ANK3: variants seen among roughly 807,000 people sequenced by gnomAD.
ANK3 encodes the protein ankyrin-3.
A neutral mutation model predicts 370.9 loss-of-function variants in ANK3; 57 were observed. The observed-to-expected ratio is 0.15, with a 90% confidence interval of 0.12 to 0.19. ANK3 has a LOEUF of 0.19. ANK3 is among the 10% of genes least tolerant of loss of function. The pLI is 1.00. For missense variants in ANK3, 4,439 were observed against 5,302.1 expected, an observed-to-expected ratio of 0.84 and a Z score of 5.06; for synonymous variants, 1,929 against 1,946.3, an observed-to-expected ratio of 0.99 and a Z score of 0.23.
At chr10:60,226,558 T>TATAC (rs2097162097) in intron 8 of ANK3, among the ~76,000 whole-genome samples, 9 of 29,562 alleles carry the variant, frequency 3.0e-4, no homozygotes, top group Admixed American at 1.2e-3. Context: ...TACTATAGTA[T>TATAC]ATATACATAG....
chr10:60,545,720 C>G (rs1304170538), intron 2 of ANK3, among the ~76,000 whole-genome samples: 1 of 152,080 alleles, frequency 6.6e-6, no homozygotes, highest in Non-Finnish European at 1.5e-5. Context: ...GATAGACATA[C>G]AGAGGGCACT....
chr10:60,729,425 C>T (rs2079989597), intron 1 of ANK3, among the ~76,000 whole-genome samples: 1 of 152,172 alleles, frequency 6.6e-6, no homozygotes, highest in Non-Finnish European at 1.5e-5. Context: ...CTTCAAAACA[C>T]ATAGGAAAAT....
intron 1 of ANK3, among the ~76,000 whole-genome samples, chr10:60,690,264 C>G (rs2079332047): frequency 6.6e-6 from 1 of 152,090 alleles, no homozygotes; most frequent in Non-Finnish European, 1.5e-5. Context: ...GGAGGGCGAG[C>G]TGAAGCAGGG....
intron 16 of ANK3, among the ~76,000 whole-genome samples, chr10:60,190,741 A>G (rs1187855947): frequency 6.6e-6 from 1 of 152,188 alleles, no homozygotes; most frequent in Non-Finnish European, 1.5e-5. Flanking sequence ...CAATCCTAAA[A>G]TTCATACGGA....
intron 7 of ANK3, among the ~76,000 whole-genome samples, chr10:60,252,874 G>A (rs983358869): frequency 1.8e-4 from 28 of 152,194 alleles, no homozygotes; most frequent in African/African-American, 6.5e-4. Flanking sequence ...GACTTGCAGT[G>A]ACAGCGTCCC....
chr10:60,641,159 T>G (rs1200078529), intron 1 of ANK3, among the ~76,000 whole-genome samples: 1 of 149,556 alleles, frequency 6.7e-6, no homozygotes, highest in Non-Finnish European at 1.5e-5. Flanking sequence ...GAACATTCCA[T>G]GCTCATGGAT....
At chr10:60,619,214 G>C (rs986703046) in intron 1 of ANK3, among the ~76,000 whole-genome samples, 3 of 151,810 alleles carry the variant, frequency 2.0e-5, no homozygotes. Context: ...AAAGAGTCTT[G>C]AGTCTATCTT....
chr10:60,055,615 C>A, intron 42 of ANK3, 43 bp downstream of exon 42: 2 of 1,543,852 alleles, frequency 1.3e-6, no homozygotes, highest in Non-Finnish European at 8.7e-7. Flanking sequence ...AGCACCGATA[C>A]TTTCCATTTC....
At chr10:60,116,732 A>G (rs151255499) in intron 25 of ANK3, among the ~76,000 whole-genome samples, 4 of 152,124 alleles carry the variant, frequency 2.6e-5, no homozygotes, top group African/African-American at 9.6e-5. Flanking sequence ...TAAGTTCAGG[A>G]GGTTCAAATC....
intron 16 of ANK3, among the ~76,000 whole-genome samples, chr10:60,189,350 G>C (rs1015038268): frequency 6.6e-6 from 1 of 152,206 alleles, no homozygotes; most frequent in African/African-American, 2.4e-5. Context: ...GAGACAGAGA[G>C]ACAGATACAG....
intron 1 of ANK3, among the ~76,000 whole-genome samples, chr10:60,292,136 C>A (rs1044754110): frequency 2.5e-4 from 38 of 152,212 alleles, no homozygotes; most frequent in African/African-American, 9.2e-4. Context: ...GACAGTTCAA[C>A]CTTAAAATTA....
Position 60,108,918 on chromosome 10 carries a change from T to A in ANK3, c.3085A>T (p.Lys1029Ter). 6.2e-7 allele frequency: 1 copy of A among 1,614,110 alleles called. No individual in the cohort carries two copies. The highest frequency in any genetic ancestry group is 2.2e-5 in the East Asian group (1 of 44,866). ...RITCRLVKRHKLANPPPMVEG... is the reference protein window; with the variant it reads ...RITCRLVKRH ...ACCATGGGGGGTGGGTTGGCCAGTT[T>A]ATGTCTCTTTACCAAACGGCAGGTG... The change falls in exon 27 of 44, where the codon AAA becomes TAA. Residue 1029 changes from lysine (K) to a stop codon, truncating the protein, a stop_gained. Transcript: ENST00000280772. LOFTEE classifies it high-confidence loss of function.
intron 1 of ANK3, among the ~76,000 whole-genome samples, chr10:60,313,194 T>C (rs1411492096): frequency 1.3e-5 from 2 of 152,188 alleles, no homozygotes; most frequent in Non-Finnish European, 2.9e-5. Flanking sequence ...GCGGATAACA[T>C]GAGCTGCAAC....
At chr10:60,522,275 G>A (rs1049641734) in intron 2 of ANK3, among the ~76,000 whole-genome samples, 8 of 151,424 alleles carry the variant, frequency 5.3e-5, no homozygotes, top group Non-Finnish European at 8.8e-5. Context: ...TCACGCTGGG[G>A]TTGTTTCCTG....
intron 2 of ANK3, among the ~76,000 whole-genome samples, chr10:60,611,125 A>G (rs1191047970): frequency 6.6e-6 from 1 of 152,168 alleles, no homozygotes. Flanking sequence ...TTTCTAACAC[A>G]TTTGTTAAAG....
intron 1 of ANK3, among the ~76,000 whole-genome samples, chr10:60,665,047 T>C (rs1371754223): frequency 1.3e-5 from 2 of 152,138 alleles, no homozygotes; most frequent in Admixed American, 1.3e-4. Flanking sequence ...GAGGAAAGAA[T>C]GAGCATGTTG....
chr10:60,351,835 G>C (rs930530734), intron 1 of ANK3, among the ~76,000 whole-genome samples: 6 of 151,862 alleles, frequency 4.0e-5, no homozygotes, highest in African/African-American at 1.2e-4. Context: ...ACACCTCCCT[G>C]TTACTTTTAA....
At chr10:60,708,796 T>C (rs2079656544) in intron 1 of ANK3, among the ~76,000 whole-genome samples, 2 of 152,114 alleles carry the variant, frequency 1.3e-5, no homozygotes, top group East Asian at 1.9e-4. Flanking sequence ...AAAGACTGAG[T>C]GAGACCCAGT....
chr10:60,240,285 T>C lies in ANK3; in HGVS notation c.799-5499A>G, dbSNP rs1362039424. ...ACACATATATATACACACACACATA[T>C]ATATATATATATATATATATATTTT... On this transcript the variant is annotated intron_variant, in intron 7 of 43. Transcript: ENST00000280772. 3.0e-3 allele frequency among the ~76,000 whole-genome samples: 289 copies of C among 96,084 alleles called. 1 individual carries two copies. The highest frequency in any genetic ancestry group is 4.1e-3 in the East Asian group (13 of 3,208). 63.0% of individuals were successfully genotyped at this position (96,084 alleles called of 152,430 possible).
Sources: gnomAD v4.1 joint callset for allele counts (sites outside exome capture counted in the v4.1 genomes callset) on GRCh38, gnomAD v4.1.1 for gene constraint, MANE v1.5 for transcripts, NCBI Gene and HGNC (gene_info 2026-07-23, HGNC 2026-07-21) for gene names.